The following RALYL variants were observed in gnomAD, a reference collection of about 807,000 sequenced individuals.
RALYL encodes RALY RNA binding protein like.
A neutral mutation model predicts 35.1 loss-of-function variants in RALYL; 29 were observed. That is an observed-to-expected ratio of 0.83 (90% CI 0.61 to 1.13). The LOEUF is 1.13. Among genes scored for constraint, RALYL ranks in the 50% most tolerant of loss-of-function variants. RALYL has a pLI of 0.00. For missense variants in RALYL, 359 were observed against 360.4 expected (o/e 1.00, Z 0.03); for synonymous variants, 120 against 127.6 (o/e 0.94, Z 0.40).
At chr8:84,748,206 C>G (rs549292587) in intron 2 of RALYL, among the ~76,000 whole-genome samples, 7 of 151,910 alleles carry the variant, frequency 4.6e-5, no homozygotes, top group South Asian at 4.1e-4. Flanking sequence ...GGCCATGATT[C>G]AACAGAGAGT....
rs1194836059 is a variant in RALYL at position 84,240,771 on chromosome 8, T to C, written c.-24+56347T>C. On this transcript the variant is annotated intron_variant, in intron 1 of 8. Transcript: ENST00000521268. ...TTTTAACAGACAGGAATAGAAAAGA[T>C]GTGATAAAAAGCTCAAATTTGAGAA... Among the ~76,000 whole-genome samples, 3 of 152,148 alleles carry C rather than the reference T, an allele frequency of 2.0e-5. No homozygotes were observed. In the South Asian group the frequency reaches 6.2e-4, roughly 32 times the overall value.
chr8:84,279,737 A>G (rs1414704077), intron 1 of RALYL, among the ~76,000 whole-genome samples: 4 of 151,738 alleles, frequency 2.6e-5, no homozygotes, highest in Non-Finnish European at 5.9e-5. Flanking sequence ...TATCACTACA[A>G]CCTCTTATTT....
At chr8:84,227,585 A>C (rs980941613) in intron 1 of RALYL, among the ~76,000 whole-genome samples, 22 of 152,116 alleles carry the variant, frequency 1.4e-4, no homozygotes, top group African/African-American at 5.3e-4. Context: ...TCCACTATTA[A>C]ATTTTTATTT....
At chr8:84,683,906 G>A (rs948461967) in intron 2 of RALYL, among the ~76,000 whole-genome samples, 2 of 152,030 alleles carry the variant, frequency 1.3e-5, no homozygotes, top group Admixed American at 1.3e-4. Flanking sequence ...GACTGATCTC[G>A]AACTCCCGAT....
chr8:84,455,739 C>A (rs892624353), intron 1 of RALYL, among the ~76,000 whole-genome samples: 1 of 152,012 alleles, frequency 6.6e-6, no homozygotes, highest in African/African-American at 2.4e-5. Flanking sequence ...TTCAGGATCT[C>A]TAGATTAACT....
intron 1 of RALYL, among the ~76,000 whole-genome samples, chr8:84,186,823 G>A (rs926307895): frequency 6.6e-6 from 1 of 151,970 alleles, no homozygotes; most frequent in African/African-American, 2.4e-5. Context: ...AAATTTTTCA[G>A]ATTTCTTCCT....
intron 1 of RALYL, among the ~76,000 whole-genome samples, chr8:84,196,023 G>A (rs1281970723): frequency 6.6e-6 from 1 of 152,130 alleles, no homozygotes; most frequent in East Asian, 1.9e-4. Context: ...ATTAGAAACT[G>A]TTAAGTACTA....
chr8:84,236,865 A>T (rs1345436528), intron 1 of RALYL, among the ~76,000 whole-genome samples: 1 of 152,184 alleles, frequency 6.6e-6, no homozygotes, highest in Admixed American at 6.5e-5. Context: ...ATGGGAGATG[A>T]TGTGTACTTC....
At chr8:84,328,394 TGACA>T (rs967717902) in intron 1 of RALYL, among the ~76,000 whole-genome samples, 2 of 152,194 alleles carry the variant, frequency 1.3e-5, no homozygotes, top group Non-Finnish European at 2.9e-5. Context: ...TACATTAATC[TGACA>T]GACATTGTAC....
intron 2 of RALYL, among the ~76,000 whole-genome samples, chr8:84,689,999 A>G (rs1316400844): frequency 6.6e-6 from 1 of 152,180 alleles, no homozygotes; most frequent in Non-Finnish European, 1.5e-5. Context: ...TAAATCTGGA[A>G]CAGCTACATC....
At chr8:84,425,752 A>G (rs1050440929) in intron 1 of RALYL, among the ~76,000 whole-genome samples, 2 of 151,250 alleles carry the variant, frequency 1.3e-5, no homozygotes, top group African/African-American at 4.9e-5. Flanking sequence ...ATGCAATTGC[A>G]GCATCAATTT....
intron 7 of RALYL, among the ~76,000 whole-genome samples, chr8:84,879,141 G>A (rs1329398197): frequency 6.6e-6 from 1 of 152,112 alleles, no homozygotes; most frequent in African/African-American, 2.4e-5. Context: ...GAGATGAGCT[G>A]TGCAAGAGAT....
chr8:84,369,708 A>T (rs1304039091), intron 1 of RALYL, among the ~76,000 whole-genome samples: 1 of 152,182 alleles, frequency 6.6e-6, no homozygotes, highest in Non-Finnish European at 1.5e-5. Context: ...AATAAGGAAA[A>T]TAAATGATAC....
chr8:84,503,172 G>A (rs2056853214), intron 1 of RALYL, among the ~76,000 whole-genome samples: 1 of 151,952 alleles, frequency 6.6e-6, no homozygotes, highest in African/African-American at 2.4e-5. Context: ...TTTAGAGACA[G>A]GATCTAGCTG....
At chr8:84,829,744 A>G (rs1830482769) in intron 4 of RALYL, among the ~76,000 whole-genome samples, 1 of 152,182 alleles carries the variant, frequency 6.6e-6, no homozygotes, top group Non-Finnish European at 1.5e-5. Flanking sequence ...CTGAGTTAGC[A>G]AATACTGAAC....
At chr8:84,887,803 A>G (rs1843162892) in intron 8 of RALYL, 27 bp downstream of exon 8, 12 of 1,591,878 alleles carry the variant, frequency 7.5e-6, no homozygotes, top group Non-Finnish European at 9.4e-6. Context: ...TGGTATTCAC[A>G]CCCTTTGGGT....
chr8:84,478,912 C>T (rs2053720276), intron 1 of RALYL, among the ~76,000 whole-genome samples: 1 of 77,118 alleles, frequency 1.3e-5, no homozygotes, highest in South Asian at 3.9e-4. Context: ...CCGTGAAACC[C>T]CGTCTCTACT....
At chr8:84,643,882 T>A (rs201618872) in intron 2 of RALYL, among the ~76,000 whole-genome samples, 1 of 151,952 alleles carries the variant, frequency 6.6e-6, no homozygotes, top group Non-Finnish European at 1.5e-5. Context: ...CCAGTGGCTG[T>A]TTCTAGCCAT....
intron 1 of RALYL, among the ~76,000 whole-genome samples, chr8:84,350,403 A>G (rs549085917): frequency 6.6e-6 from 1 of 150,544 alleles, no homozygotes; most frequent in Non-Finnish European, 1.5e-5. Flanking sequence ...GAATTTTTTT[A>G]AATATTTGCC....
Sources: gnomAD v4.1 joint callset for allele counts (sites outside exome capture counted in the v4.1 genomes callset) on GRCh38, gnomAD v4.1.1 for gene constraint, MANE v1.5 for transcripts, NCBI Gene and HGNC (gene_info 2026-07-23, HGNC 2026-07-21) for gene names.